The following CNTNAP2 variants were observed in gnomAD, a reference collection of about 807,000 sequenced individuals.
CNTNAP2 encodes contactin-associated protein-like 2.
CNTNAP2 carries 98 observed loss-of-function variants against 155.2 expected under a neutral mutation model. The ratio of observed to expected loss-of-function variants is 0.63; its 90% confidence interval spans 0.54 to 0.75. The LOEUF is 0.75. CNTNAP2 is among the 30% of genes least tolerant of loss of function. The probability of loss-of-function intolerance (pLI) is 0.00; values close to 1 mark genes in which losing one functional copy is unlikely to be tolerated. For missense variants in CNTNAP2, 1,727 were observed against 1,688.1 expected, an observed-to-expected ratio of 1.02 and a Z score of -0.40; for synonymous variants, 651 against 631.2, an observed-to-expected ratio of 1.03 and a Z score of -0.47.
intron 4 of CNTNAP2, among the ~76,000 whole-genome samples, chr7:147,051,988 A>G (rs1298788268): frequency 1.3e-5 from 2 of 152,110 alleles, no homozygotes; most frequent in South Asian, 2.1e-4. Flanking sequence ...AAATATGAAT[A>G]CAAGCTATAT....
At chr7:147,196,827 A>C (rs1253513608) in intron 8 of CNTNAP2, among the ~76,000 whole-genome samples, 1 of 152,140 alleles carries the variant, frequency 6.6e-6, no homozygotes, top group East Asian at 1.9e-4. Context: ...AGGCGAGTGC[A>C]ATGGTGAGGC....
At chr7:147,805,666 A>G (rs1798079505) in intron 13 of CNTNAP2, among the ~76,000 whole-genome samples, 1 of 152,172 alleles carries the variant, frequency 6.6e-6, no homozygotes, top group African/African-American at 2.4e-5. Flanking sequence ...TGCTTTTTCT[A>G]GCCTCTATTA....
At chr7:146,293,744 T>C (rs1392343839) in intron 1 of CNTNAP2, among the ~76,000 whole-genome samples, 2 of 152,176 alleles carry the variant, frequency 1.3e-5, no homozygotes, top group African/African-American at 4.8e-5. Context: ...TCTTTTTAAT[T>C]CCTCTAAATT....
intron 3 of CNTNAP2, among the ~76,000 whole-genome samples, chr7:146,902,854 G>C (rs917634795): frequency 1.5e-4 from 23 of 152,176 alleles, no homozygotes; most frequent in African/African-American, 5.3e-4. Flanking sequence ...ATGGGCCCTC[G>C]ATGACATGGT....
At chr7:146,916,460 TTTG>T (rs1478456476) in intron 3 of CNTNAP2, among the ~76,000 whole-genome samples, 2 of 152,108 alleles carry the variant, frequency 1.3e-5, no homozygotes, top group African/African-American at 4.8e-5. Flanking sequence ...GTCCTGGACT[TTTG>T]TTGTTGTTGA....
At chr7:148,121,888 G>A (rs1434625105) in intron 16 of CNTNAP2, among the ~76,000 whole-genome samples, 1 of 152,150 alleles carries the variant, frequency 6.6e-6, no homozygotes, top group Non-Finnish European at 1.5e-5. Flanking sequence ...CATTTAATGA[G>A]TATTTACTGA....
chr7:148,162,015 C>T (rs1178542733), intron 17 of CNTNAP2, among the ~76,000 whole-genome samples: 1 of 152,298 alleles, frequency 6.6e-6, no homozygotes, highest in South Asian at 2.1e-4. Flanking sequence ...GGACTAGCAT[C>T]CGCAAAGGCT....
chr7:146,928,643 C>T (rs2129222059), intron 3 of CNTNAP2, among the ~76,000 whole-genome samples: 1 of 152,302 alleles, frequency 6.6e-6, no homozygotes, highest in East Asian at 1.9e-4. Flanking sequence ...CATTGCCTCA[C>T]TCGGGAAGCA....
chr7:147,288,412 T>A (rs964651771), intron 8 of CNTNAP2, among the ~76,000 whole-genome samples: 2 of 152,314 alleles, frequency 1.3e-5, no homozygotes, highest in East Asian at 1.9e-4. Flanking sequence ...AGTGAAAGAA[T>A]GAGCTTGACT....
At chr7:148,243,461 A>G (rs1021359585) in intron 20 of CNTNAP2, among the ~76,000 whole-genome samples, 8 of 152,168 alleles carry the variant, frequency 5.3e-5, no homozygotes, top group African/African-American at 1.9e-4. Context: ...TACAAAAGAA[A>G]AGGGTTTAAT....
intron 8 of CNTNAP2, among the ~76,000 whole-genome samples, chr7:147,195,692 G>C (rs1391302444): frequency 6.6e-6 from 1 of 152,036 alleles, no homozygotes; most frequent in Non-Finnish European, 1.5e-5. Context: ...TATGAATGGA[G>C]TTCATGATTT....
intron 21 of CNTNAP2, among the ~76,000 whole-genome samples, chr7:148,305,316 ATT>A (rs1191073853): frequency 6.7e-6 from 1 of 148,436 alleles, no homozygotes; most frequent in African/African-American, 2.5e-5. Context: ...CATTTGCTTA[ATT>A]TTTTGTGAAC....
chr7:148,380,023 T>A (rs1799018473), intron 21 of CNTNAP2, among the ~76,000 whole-genome samples: 1 of 152,226 alleles, frequency 6.6e-6, no homozygotes, highest in Non-Finnish European at 1.5e-5. Context: ...CGGAATTGTG[T>A]CAGTGTTTTA....
intron 13 of CNTNAP2, among the ~76,000 whole-genome samples, chr7:147,769,207 T>A (rs1339381736): frequency 6.6e-6 from 1 of 152,128 alleles, no homozygotes; most frequent in Non-Finnish European, 1.5e-5. Flanking sequence ...AAATTATGTA[T>A]CATCAGAATA....
At chr7:148,264,504 C>T (rs1275945099) in intron 20 of CNTNAP2, among the ~76,000 whole-genome samples, 1 of 151,748 alleles carries the variant, frequency 6.6e-6, no homozygotes, top group Non-Finnish European at 1.5e-5. Flanking sequence ...ATATACAAAA[C>T]AATGTGTTAC....
chr7:146,448,472 C>T (rs574741843), intron 1 of CNTNAP2, among the ~76,000 whole-genome samples: 36 of 150,836 alleles, frequency 2.4e-4, no homozygotes, highest in Non-Finnish European at 4.0e-4. Context: ...TTGCACTTAC[C>T]GTTGCTCTGT....
At chr7:147,262,924 A>G (rs1804524554) in intron 8 of CNTNAP2, among the ~76,000 whole-genome samples, 1 of 152,200 alleles carries the variant, frequency 6.6e-6, no homozygotes, top group Non-Finnish European at 1.5e-5. Flanking sequence ...GGGGAAATAA[A>G]TATCTATTGC....
At chr7:147,856,701 A>G (rs1004828413) in intron 13 of CNTNAP2, among the ~76,000 whole-genome samples, 3 of 151,812 alleles carry the variant, frequency 2.0e-5, no homozygotes, top group Non-Finnish European at 4.4e-5. Context: ...TTTGGAATTT[A>G]ATTTCTTATC....
At chr7:148,310,199 G>A (rs1197861228) in intron 21 of CNTNAP2, among the ~76,000 whole-genome samples, 1 of 152,240 alleles carries the variant, frequency 6.6e-6, no homozygotes, top group Non-Finnish European at 1.5e-5. Flanking sequence ...AGGGGGTTCA[G>A]CATAATTACT....
Sources: allele counts gnomAD v4.1 joint callset (sites outside exome capture counted in the v4.1 genomes callset), GRCh38; gene constraint gnomAD v4.1.1; transcripts MANE v1.5; gene names NCBI Gene and HGNC (gene_info 2026-07-23, HGNC 2026-07-21).